Variants in LEF1 observed in about 807,000 individuals in gnomAD.
LEF1 encodes the protein lymphoid enhancer-binding factor 1.
In LEF1, 14 loss-of-function variants were observed where a neutral mutation model predicts 51.2. The observed-to-expected ratio is 0.27, with a 90% CI of 0.18 to 0.43. LEF1 has a LOEUF of 0.43. Ranked by LOEUF, LEF1 falls within the 20% of genes least tolerant of loss-of-function variation. The probability of loss-of-function intolerance (pLI) is 1.00; values close to 1 mark genes in which losing one functional copy is unlikely to be tolerated. For missense variants in LEF1, 386 were observed against 512.0 expected, an observed-to-expected ratio of 0.75 and a Z score of 2.37; for synonymous variants, 185 against 183.2, an observed-to-expected ratio of 1.01 and a Z score of -0.08.
At position 108,073,827 on chromosome 4, in the gene LEF1, C is replaced by A. The variant is rs918199556; in HGVS notation, c.1009-3057G>T. Among the ~76,000 whole-genome samples, 18 of 151,544 alleles carry A rather than the reference C, an allele frequency of 1.2e-4. No individual in the cohort carries two copies. In the East Asian group the frequency reaches 2.7e-3, roughly 23 times the overall value. On this transcript the variant is annotated intron_variant, in intron 8 of 11. Transcript: ENST00000265165. The stretch of plus-strand genomic sequence containing the variant: ...ATTGCTTTAAGTCCTCTGATAACCC[C>A]CCCCCCTTTTTTTTTTGAGACAGAG...
intron 5 of LEF1, among the ~76,000 whole-genome samples, chr4:108,082,217 T>C (rs1051620372): frequency 2.6e-5 from 4 of 152,172 alleles, no homozygotes; most frequent in South Asian, 2.1e-4. Flanking sequence ...CCCTGAGAAG[T>C]CCATTTTTTC....
intron 3 of LEF1, among the ~76,000 whole-genome samples, chr4:108,096,462 C>T (rs1361363392): frequency 6.6e-6 from 1 of 152,178 alleles, no homozygotes; most frequent in East Asian, 1.9e-4. Flanking sequence ...TTTTTATACA[C>T]AAATACAATC....
intron 3 of LEF1, among the ~76,000 whole-genome samples, chr4:108,096,017 A>G (rs950025689): frequency 2.6e-5 from 4 of 152,176 alleles, no homozygotes; most frequent in African/African-American, 9.7e-5. Context: ...TTAATTTTTC[A>G]TGTTGAAGAA....
intron 11 of LEF1, among the ~76,000 whole-genome samples, chr4:108,052,848 C>A (rs1241732751): frequency 6.6e-6 from 1 of 152,156 alleles, no homozygotes; most frequent in Non-Finnish European, 1.5e-5. Flanking sequence ...CCACTACGCA[C>A]TGATTTGCCA....
chr4:108,147,612 A>C (rs1004667866), intron 3 of LEF1, among the ~76,000 whole-genome samples: 2 of 152,236 alleles, frequency 1.3e-5, no homozygotes, highest in East Asian at 1.9e-4. Flanking sequence ...TTATTCACTA[A>C]ATGGGATCTA....
intron 11 of LEF1, among the ~76,000 whole-genome samples, chr4:108,054,006 T>C (rs906888601): frequency 1.3e-5 from 2 of 152,212 alleles, no homozygotes; most frequent in Non-Finnish European, 2.9e-5. Flanking sequence ...TTGGTCTTTT[T>C]TTGTTTTGTT....
At chr4:108,068,233 T>C (rs561318099) in intron 9 of LEF1, among the ~76,000 whole-genome samples, 103 of 152,100 alleles carry the variant, frequency 6.8e-4, no homozygotes, top group Non-Finnish European at 7.1e-4. Flanking sequence ...TGCCATTGCA[T>C]TCCAGCCTGG....
rs71601078 is a variant in LEF1, at chr4:108,149,601, A to G, written c.414+13967T>C. On this transcript the variant is annotated intron_variant, in intron 3 of 11. Coordinates refer to ENST00000265165, the MANE Select transcript of LEF1 (RefSeq NM_016269.5). ...TTAAAGTGTGTATATATTTGTGTGT[A>G]TATATGTACATATATATACATGTGT... Among the ~76,000 whole-genome samples, 738 of 150,668 alleles carry G rather than the reference A, an allele frequency of 4.9e-3. 2 individuals are homozygous for G. Among genetic ancestry groups the G allele is most frequent in the Non-Finnish European group, 8.7e-3 (588 of 67,664 alleles).
intron 3 of LEF1, among the ~76,000 whole-genome samples, chr4:108,124,701 G>A (rs1027324859): frequency 2.0e-5 from 3 of 152,072 alleles, no homozygotes; most frequent in Non-Finnish European, 4.4e-5. Context: ...ATCCAAGTAG[G>A]AAAGACAAGG....
At chr4:108,093,246 C>T (rs939999103) in intron 3 of LEF1, among the ~76,000 whole-genome samples, 1 of 152,188 alleles carries the variant, frequency 6.6e-6, no homozygotes, top group African/African-American at 2.4e-5. Context: ...GAATGAACCC[C>T]CTGGGCTGCC....
At chr4:108,069,541 T>C (rs1738313721) in intron 9 of LEF1, among the ~76,000 whole-genome samples, 2 of 152,154 alleles carry the variant, frequency 1.3e-5, no homozygotes, top group Non-Finnish European at 2.9e-5. Context: ...TACGATAACA[T>C]GAAAAAAGAT....
intron 9 of LEF1, among the ~76,000 whole-genome samples, chr4:108,065,484 C>T (rs1027403618): frequency 4.6e-5 from 7 of 152,164 alleles, no homozygotes; most frequent in African/African-American, 1.7e-4. Flanking sequence ...AGTGAGACTC[C>T]ATCTCAAAAA....
At chr4:108,101,597 G>A (rs1740825949) in intron 3 of LEF1, among the ~76,000 whole-genome samples, 1 of 152,190 alleles carries the variant, frequency 6.6e-6, no homozygotes, top group African/African-American at 2.4e-5. Context: ...GGAGTGGGTA[G>A]GCAAGTTCCT....
In LEF1 at chr4:108,165,191, A is replaced by G. The variant is rs56101204; in HGVS notation, c.214-28T>C. On this transcript the variant is annotated intron_variant, in intron 1 of 11. Transcript: ENST00000265165. ...AACATCATGAATCCCCACACCCAAA[A>G]GAAAGAAAATCACCTTAGAGTTTGT... The G allele has an allele frequency of 9.5e-3, 15,195 of 1,606,292 alleles. 1,082 individuals carry two copies. In the African/African-American group the frequency reaches 0.16, roughly 17 times the overall value.
At chr4:108,100,353 A>G (rs2110293050) in intron 3 of LEF1, among the ~76,000 whole-genome samples, 1 of 152,298 alleles carries the variant, frequency 6.6e-6, no homozygotes. Flanking sequence ...TCTATTAATA[A>G]ATTATAAAAA....
chr4:108,102,079 A>G (rs879773219), intron 3 of LEF1, among the ~76,000 whole-genome samples: 7 of 151,818 alleles, frequency 4.6e-5, no homozygotes, highest in Non-Finnish European at 1.0e-4. Flanking sequence ...AAAAAAAAAA[A>G]GAAAGGACGG....
At chr4:108,166,608 G>T (rs1278912693) in intron 1 of LEF1, 2 of 1,085,784 alleles carry the variant, frequency 1.8e-6, no homozygotes, top group Non-Finnish European at 2.2e-6. Context: ...CCTGCTCCGC[G>T]CTTTCTCTAG....
At chr4:108,149,531 A>G (rs1208290227) in intron 3 of LEF1, among the ~76,000 whole-genome samples, 3 of 150,602 alleles carry the variant, frequency 2.0e-5, no homozygotes, top group African/African-American at 7.3e-5. Flanking sequence ...TTAAAATAAC[A>G]ACAAAAAAAC....
At chr4:108,129,060 C>T (rs536932882) in intron 3 of LEF1, among the ~76,000 whole-genome samples, 3 of 152,268 alleles carry the variant, frequency 2.0e-5, no homozygotes, top group African/African-American at 7.2e-5. Flanking sequence ...TCCTCCTTTC[C>T]AACCACTCAA....
Sources: allele counts gnomAD v4.1 joint callset (sites outside exome capture counted in the v4.1 genomes callset), GRCh38; gene constraint gnomAD v4.1.1; transcripts MANE v1.5; gene names NCBI Gene and HGNC (gene_info 2026-07-23, HGNC 2026-07-21).